The following PEX7 variants were observed in gnomAD, a reference collection of about 807,000 sequenced individuals.
The protein encoded by PEX7 is peroxisomal biogenesis factor 7.
A neutral mutation model predicts 47.5 loss-of-function variants in PEX7; 34 were observed. The ratio of observed to expected loss-of-function variants is 0.72; its 90% CI spans 0.54 to 0.95. The LOEUF (loss-of-function observed/expected upper bound fraction) is 0.95. Ranked by LOEUF, PEX7 falls within the 40% of genes least tolerant of loss-of-function variation. PEX7 has a pLI of 0.00. For synonymous variants in PEX7, 141 were observed against 148.8 expected (o/e 0.95, Z 0.38); for missense variants, 394 against 400.3 (o/e 0.98, Z 0.13).
intron 5 of PEX7, among the ~76,000 whole-genome samples, chr6:136,860,491 G>A (rs955952269): frequency 2.7e-5 from 4 of 149,550 alleles, no homozygotes; most frequent in Admixed American, 6.6e-5. Flanking sequence ...CACAGGAAGG[G>A]GAACATCACA....
chr6:136,871,127 A>G (rs867474657), intron 7 of PEX7, among the ~76,000 whole-genome samples: 1 of 152,212 alleles, frequency 6.6e-6, no homozygotes, highest in Non-Finnish European at 1.5e-5. Flanking sequence ...CAGTTGAAAA[A>G]TATGCTCTAT....
chr6:136,850,812 C>G lies in PEX7; in HGVS notation c.526+4631C>G, dbSNP rs543473209. ...TGTATCATTGGCTTAGAATTGGTAACTAAAGCCATTGCAGTAAATCAGAGC... is the reference window on the plus strand; with the variant it reads ...TGTATCATTGGCTTAGAATTGGTAAGTAAAGCCATTGCAGTAAATCAGAGC... On this transcript the variant is annotated intron_variant, in intron 5 of 9. Transcript: ENST00000318471. Among the ~76,000 whole-genome samples the G allele has an allele frequency of 2.0e-4, 30 of 150,750 alleles. No homozygotes were observed. In the East Asian group the frequency reaches 5.7e-3, roughly 29 times the overall value.
At chr6:136,838,165 G>C (rs1414569181) in intron 3 of PEX7, among the ~76,000 whole-genome samples, 1 of 152,174 alleles carries the variant, frequency 6.6e-6, no homozygotes, top group African/African-American at 2.4e-5. Context: ...ATTAGTTTAA[G>C]ATTGAAACAT....
At chr6:136,904,438 C>T (rs1351601803) in intron 9 of PEX7, among the ~76,000 whole-genome samples, 1 of 152,094 alleles carries the variant, frequency 6.6e-6, no homozygotes, top group Non-Finnish European at 1.5e-5. Flanking sequence ...CATAGACACC[C>T]TGATATAGTT....
At position 136,869,958 on chromosome 6, in the gene PEX7, A is replaced by G. The variant is rs1275775885; in HGVS notation, c.702A>G (p.Pro234=). 1 of 1,614,082 alleles carries G rather than the reference A, an allele frequency of 6.2e-7. No homozygotes were observed. Among genetic ancestry groups the G allele is most frequent in the Non-Finnish European group, 8.5e-7 (1 of 1,179,966 alleles). Residue 234 remains proline (P), a synonymous_variant, in exon 7 of 10, where the codon CCA becomes CCG. Coordinates refer to ENST00000318471, the MANE Select transcript of PEX7 (RefSeq NM_000288.4). ...RGWDLRNVRQ[P]VFELLGHTYA... ...GGGACTTAAGGAATGTACGACAACC[A>G]GTGTTTGAACTTCTTGGTCATACCT...
intron 8 of PEX7, among the ~76,000 whole-genome samples, chr6:136,879,473 T>G (rs1449548087): frequency 6.6e-6 from 1 of 152,218 alleles, no homozygotes; most frequent in African/African-American, 2.4e-5. Context: ...CTATGTCGTT[T>G]TTGAGAATTC....
intron 6 of PEX7, among the ~76,000 whole-genome samples, chr6:136,867,740 G>A (rs1033029245): frequency 1.4e-4 from 22 of 151,746 alleles, no homozygotes; most frequent in African/African-American, 4.8e-4. Flanking sequence ...TCACGCCACT[G>A]CACTCCAGCC....
intron 8 of PEX7, among the ~76,000 whole-genome samples, chr6:136,897,466 A>G (rs1775671730): frequency 6.6e-6 from 1 of 152,198 alleles, no homozygotes; most frequent in Admixed American, 6.5e-5. Context: ...GGTAAATATT[A>G]CCACTTTCAG....
intron 3 of PEX7, among the ~76,000 whole-genome samples, chr6:136,843,498 A>T (rs773645875): frequency 6.6e-6 from 1 of 152,184 alleles, no homozygotes; most frequent in Non-Finnish European, 1.5e-5. Flanking sequence ...GGTGTGTGCT[A>T]TAAGAGCTGG....
intron 5 of PEX7, among the ~76,000 whole-genome samples, chr6:136,860,404 T>C (rs904518007): frequency 1.4e-5 from 2 of 141,066 alleles, no homozygotes; most frequent in Non-Finnish European, 1.5e-5. Context: ...GCTCAAGCCA[T>C]GGCTCTTTTT....
At position 136,862,597 on chromosome 6, in the gene PEX7, A is replaced by G. The variant is rs189649177; in HGVS notation, c.527-4030A>G. The stretch of plus-strand genomic sequence containing the variant: ...CACTATGTTGCTCAGGCTGATCTCG[A>G]ACTCCTGGGCTCAAGTGATCCTCCT... On this transcript the variant is annotated intron_variant, in intron 5 of 9. Transcript: ENST00000318471. Among the ~76,000 whole-genome samples the G allele has an allele frequency of 1.1e-3, 170 of 152,122 alleles. 1 individual carries two copies. The highest frequency in any genetic ancestry group is 1.9e-3 in the Non-Finnish European group (128 of 68,026).
intron 3 of PEX7, among the ~76,000 whole-genome samples, chr6:136,827,528 G>A (rs1010468035): frequency 6.6e-6 from 1 of 150,780 alleles, no homozygotes; most frequent in African/African-American, 2.4e-5. Context: ...GTGTGTGTGT[G>A]TGTGTGTGTG....
At chr6:136,870,567 G>A (rs1775159769) in intron 7 of PEX7, among the ~76,000 whole-genome samples, 1 of 152,098 alleles carries the variant, frequency 6.6e-6, no homozygotes, top group Admixed American at 6.5e-5. Context: ...GGCAGGTTCT[G>A]CTAAATGACT....
At chr6:136,874,326 C>G (rs1039256569) in intron 8 of PEX7, among the ~76,000 whole-genome samples, 8 of 152,124 alleles carry the variant, frequency 5.3e-5, no homozygotes, top group Admixed American at 2.0e-4. Flanking sequence ...CTAACGGGAT[C>G]AAGTTTGGAA....
intron 5 of PEX7, chr6:136,855,858 T>C: frequency 4.3e-6 from 1 of 231,612 alleles, no homozygotes; most frequent in Non-Finnish European, 8.5e-6. Context: ...CATTGTTCTC[T>C]TTATGCGTAT....
At chr6:136,847,220 G>T (rs1406204814) in intron 5 of PEX7, among the ~76,000 whole-genome samples, 2 of 148,300 alleles carry the variant, frequency 1.3e-5, no homozygotes, top group East Asian at 4.0e-4. Context: ...TTGTTTTTAA[G>T]TTTTTTGTAG....
intron 5 of PEX7, among the ~76,000 whole-genome samples, chr6:136,860,176 A>T (rs1774933109): frequency 6.6e-6 from 1 of 152,152 alleles, no homozygotes; most frequent in Admixed American, 6.5e-5. Flanking sequence ...TTCAATTGAA[A>T]AAACAATATA....
At chr6:136,862,494 A>G (rs926396170) in intron 5 of PEX7, among the ~76,000 whole-genome samples, 8 of 138,060 alleles carry the variant, frequency 5.8e-5, no homozygotes, top group Admixed American at 2.2e-4. Flanking sequence ...TCCTACCTCA[A>G]CCTCCAGAGT....
At chr6:136,891,564 T>C (rs1775554360) in intron 8 of PEX7, among the ~76,000 whole-genome samples, 1 of 152,142 alleles carries the variant, frequency 6.6e-6, no homozygotes, top group Admixed American at 6.5e-5. Context: ...CAGTTTTTAA[T>C]CCAGTCATGC....
Sources: gnomAD v4.1 joint callset for allele counts (sites outside exome capture counted in the v4.1 genomes callset) on GRCh38, gnomAD v4.1.1 for gene constraint, MANE v1.5 for transcripts, NCBI Gene and HGNC (gene_info 2026-07-23, HGNC 2026-07-21) for gene names.